Variants in ARHGEF28 observed in about 807,000 individuals in gnomAD.
ARHGEF28 encodes Rho guanine nucleotide exchange factor 28, also known as 190 kDa guanine nucleotide exchange factor.
ARHGEF28 carries 152 observed loss-of-function variants against 206.6 expected under a neutral mutation model. That is an observed-to-expected ratio of 0.74 (90% CI 0.64 to 0.84). The LOEUF (loss-of-function observed/expected upper bound fraction) is 0.84, where lower values mean the gene tolerates loss of function less well. Ranked by LOEUF, ARHGEF28 falls within the 40% of genes least tolerant of loss-of-function variation. ARHGEF28 has a pLI of 0.00. For synonymous variants in ARHGEF28, 763 were observed against 776.4 expected, an observed-to-expected ratio of 0.98 and a Z score of 0.29; for missense variants, 2,028 against 2,073.2, an observed-to-expected ratio of 0.98 and a Z score of 0.42.
At chr5:73,781,084 T>A (rs1379808051) in intron 7 of ARHGEF28, among the ~76,000 whole-genome samples, 1 of 152,226 alleles carries the variant, frequency 6.6e-6, no homozygotes, top group Non-Finnish European at 1.5e-5. Flanking sequence ...TTCTATCATT[T>A]GTTCTTTAGT....
chr5:73,681,931 C>G (rs977870912), intron 1 of ARHGEF28, among the ~76,000 whole-genome samples: 2 of 152,150 alleles, frequency 1.3e-5, no homozygotes, highest in African/African-American at 4.8e-5. Context: ...AAGACCCTAT[C>G]TGTACAGAAA....
chr5:73,704,394 C>T (rs759763810), intron 2 of ARHGEF28, among the ~76,000 whole-genome samples: 5 of 152,034 alleles, frequency 3.3e-5, no homozygotes, highest in Non-Finnish European at 5.9e-5. Flanking sequence ...GGCTGTGAAC[C>T]CACAGAGGAT....
intron 16 of ARHGEF28, among the ~76,000 whole-genome samples, chr5:73,864,310 C>T (rs1404012609): frequency 1.3e-5 from 2 of 152,212 alleles, no homozygotes; most frequent in African/African-American, 2.4e-5. Context: ...TAACATTTCT[C>T]ATTTAATTAG....
At chr5:73,879,448 C>A (rs1488481405) in intron 22 of ARHGEF28, among the ~76,000 whole-genome samples, 2 of 152,210 alleles carry the variant, frequency 1.3e-5, no homozygotes, top group East Asian at 3.8e-4. Flanking sequence ...CTCCGTCCAG[C>A]TTTGTTCCGT....
At chr5:73,903,602 G>A (rs1762389793) in intron 31 of ARHGEF28, 1 of 153,444 alleles carries the variant, frequency 6.5e-6, no homozygotes, top group South Asian at 2.0e-4. Context: ...GTCTCCTGTG[G>A]CTGGTTCGTG....
intron 21 of ARHGEF28, among the ~76,000 whole-genome samples, chr5:73,871,888 G>C (rs919038805): frequency 1.1e-4 from 17 of 152,164 alleles, no homozygotes; most frequent in Admixed American, 6.5e-4. Flanking sequence ...TTGTCACCTA[G>C]CATACTGTTT....
chr5:73,855,112 G>A (rs2112606740), intron 14 of ARHGEF28, among the ~76,000 whole-genome samples: 1 of 152,194 alleles, frequency 6.6e-6, no homozygotes, highest in South Asian at 2.1e-4. Context: ...TCTTACAAAT[G>A]TAAAAGCTAT....
chr5:73,679,790 A>G (rs1746950401), intron 1 of ARHGEF28, among the ~76,000 whole-genome samples: 1 of 152,212 alleles, frequency 6.6e-6, no homozygotes, highest in African/African-American at 2.4e-5. Context: ...AGAGAAAATT[A>G]TGTAGTACAT....
At chr5:73,913,185 G>A (rs1045319901) in intron 35 of ARHGEF28, among the ~76,000 whole-genome samples, 5 of 152,200 alleles carry the variant, frequency 3.3e-5, no homozygotes, top group African/African-American at 7.2e-5. Flanking sequence ...TGTATGTCCA[G>A]AGTAGGCCAA....
chr5:73,915,437 G>A (rs1448501992), intron 35 of ARHGEF28, among the ~76,000 whole-genome samples: 2 of 152,172 alleles, frequency 1.3e-5, no homozygotes, highest in Non-Finnish European at 2.9e-5. Context: ...ATTCTTGGAT[G>A]TTCAAACATT....
intron 2 of ARHGEF28, among the ~76,000 whole-genome samples, chr5:73,722,082 C>A (rs1749988758): frequency 6.6e-6 from 1 of 152,130 alleles, no homozygotes; most frequent in Non-Finnish European, 1.5e-5. Context: ...AATAATTAAG[C>A]AGTAGCACAC....
At chr5:73,711,235 T>G (rs1001157922) in intron 2 of ARHGEF28, among the ~76,000 whole-genome samples, 1 of 152,210 alleles carries the variant, frequency 6.6e-6, no homozygotes, top group African/African-American at 2.4e-5. Context: ...TTAATTCTTA[T>G]AGCTTTATTG....
rs545704391 is a variant in ARHGEF28 at position 73,918,179 on chromosome 5, G to T, written c.4948+6604G>T. ...GACCATCTGTCTTAGGGGGTGGCAC[G>T]CTTTTCCTTAAAGGGTCCTATAGTA... On this transcript the variant is annotated intron_variant, in intron 35 of 35. Coordinates refer to ENST00000513042, the MANE Select transcript of ARHGEF28 (RefSeq NM_001177693.2). 7.2e-5 allele frequency among the ~76,000 whole-genome samples: 11 copies of T among 152,276 alleles called. No individual in the cohort carries two copies. The South Asian group carries it at 1.9e-3, about 26-fold the overall frequency.
intron 13 of ARHGEF28, 141 bp from the exon 14 acceptor site, chr5:73,852,509 T>C (rs1758767187): frequency 1.3e-6 from 1 of 741,564 alleles, no homozygotes; most frequent in African/African-American, 1.7e-5. Context: ...GCCTTACTTA[T>C]ATAAGGTAAC....
At chr5:73,774,820 A>C (rs2112449582) in intron 5 of ARHGEF28, among the ~76,000 whole-genome samples, 1 of 152,344 alleles carries the variant, frequency 6.6e-6, no homozygotes, top group East Asian at 1.9e-4. Flanking sequence ...AGTATGTTGA[A>C]AATTACAACA....
chr5:73,868,870 C>T (rs1759884782), intron 20 of ARHGEF28, among the ~76,000 whole-genome samples: 3 of 152,190 alleles, frequency 2.0e-5, no homozygotes, highest in South Asian at 4.1e-4. Context: ...TGGTCTTGAA[C>T]TCCTGACCTC....
Position 73,904,247 on chromosome 5 carries a change from C to A in ARHGEF28, c.4100C>A (p.Ser1367Tyr). The A allele has an allele frequency of 6.2e-7, 1 of 1,613,852 alleles. No individual in the cohort carries two copies. Among genetic ancestry groups the A allele is most frequent in the Non-Finnish European group, 8.5e-7 (1 of 1,179,800 alleles). Residue 1367 changes from serine to tyrosine, a missense_variant, in exon 32 of 36, where the codon TCT becomes TAT. Ser to Tyr is a moderately radical substitution (Grantham distance 144). Coordinates refer to ENST00000513042, the MANE Select transcript of ARHGEF28 (RefSeq NM_001177693.2). Reference protein sequence around the residue: ...EKVECRNFPGSSQSEIIQAIQ... With the variant: ...EKVECRNFPGYSQSEIIQAIQ... ...GTGGAATGTAGAAATTTTCCAGGTT[C>A]TTCACAATCAGAGGTGAGCTGCTGC... is the stretch of plus-strand genomic sequence containing the variant.
chr5:73,737,444 TTTC>T (rs1438578480), intron 2 of ARHGEF28, among the ~76,000 whole-genome samples: 3 of 23,450 alleles, frequency 1.3e-4, no homozygotes, highest in South Asian at 1.5e-3. Context: ...TCTTCCTTCT[TTTC>T]TTTTCTTTTC....
At chr5:73,791,935 G>T (rs1754508229) in intron 7 of ARHGEF28, among the ~76,000 whole-genome samples, 1 of 152,160 alleles carries the variant, frequency 6.6e-6, no homozygotes, top group Non-Finnish European at 1.5e-5. Flanking sequence ...CTATAGCAAT[G>T]AGTGGTTTGA....
Sources: allele counts gnomAD v4.1 joint callset (sites outside exome capture counted in the v4.1 genomes callset), GRCh38; gene constraint gnomAD v4.1.1; transcripts MANE v1.5; gene names NCBI Gene and HGNC (gene_info 2026-07-23, HGNC 2026-07-21).